Variants in EHMT1 observed in about 807,000 individuals in gnomAD.
EHMT1 encodes the protein histone-lysine N-methyltransferase EHMT1.
In EHMT1, 15 loss-of-function variants were observed where a neutral mutation model predicts 147.2. The observed-to-expected ratio is 0.10, with a 90% CI of 0.07 to 0.16. The LOEUF (loss-of-function observed/expected upper bound fraction) is 0.16. Among genes scored for constraint, EHMT1 ranks in the 10% least tolerant of loss-of-function variants. The pLI is 1.00. For synonymous variants in EHMT1, 795 were observed against 709.6 expected (o/e 1.12, Z -1.91); for missense variants, 1,587 against 1,772.4 (o/e 0.90, Z 1.88).
chr9:137,812,421 G>A (rs1438010514), intron 19 of EHMT1, among the ~76,000 whole-genome samples: 1 of 152,266 alleles, frequency 6.6e-6, no homozygotes, highest in African/African-American at 2.4e-5. Flanking sequence ...GGTGGCCTGG[G>A]ATGGAGTGTG....
intron 1 of EHMT1, among the ~76,000 whole-genome samples, chr9:137,690,876 A>G (rs879129222): frequency 6.6e-6 from 1 of 152,270 alleles, no homozygotes; most frequent in Non-Finnish European, 1.5e-5. Flanking sequence ...GATAAGCACC[A>G]TGAAGTTAAG....
intron 4 of EHMT1, among the ~76,000 whole-genome samples, chr9:137,737,919 T>C (rs9410131): frequency 0.54 from 82,280 of 152,058 alleles, 25,364 homozygotes; most frequent in African/African-American, 0.84. Flanking sequence ...GGAGGCCGGG[T>C]GCAGTGGCTT....
Position 137,740,635 on chromosome 9 carries a change from C to T in EHMT1, c.824-2736C>T, listed in dbSNP as rs541848324. ...ACTTTCAGGTCCTTAATAGATTCTA[C>T]ATTTCTGAAAGTCATCCATAGATGT... On this transcript the variant is annotated intron_variant, in intron 4 of 26. Transcript: ENST00000460843. Among the ~76,000 whole-genome samples the T allele has an allele frequency of 5.5e-4, 84 of 151,844 alleles. 1 individual carries two copies. The highest frequency in any genetic ancestry group is 1.9e-3 in the African/African-American group (80 of 41,114).
In EHMT1 at chr9:137,775,251, C is replaced by T. The variant is rs369565794; in HGVS notation, c.1790C>T (p.Ala597Val). The change falls in exon 11 of 27, where the codon GCG becomes GTG. Residue 597 changes from alanine (A) to valine (V), a missense_variant and splice_region_variant. Physicochemically the swap from Ala to Val is moderately conservative, Grantham distance 64. This residue lies in a region of EHMT1 where 124 missense variants were observed against 197.8 expected (regional missense o/e 0.63). Transcript: ENST00000460843. The surrounding 1 kb of genome is among the most constrained non-coding windows in gnomAD (Gnocchi z 6.1). ...CCTGGCTGTGGCTACTTCTGCACAG[C>T]GGTAAGAGCCCAGTCCGGCAGCCTC... is the stretch of plus-strand genomic sequence containing the variant. Reference protein sequence around the residue: ...CCPGCGYFCTAGNFMECQPES... With the variant: ...CCPGCGYFCTVGNFMECQPES... 2.4e-5 allele frequency: 39 copies of T among 1,610,228 alleles called. No homozygotes were observed. The highest frequency in any genetic ancestry group is 3.1e-5 in the Non-Finnish European group (37 of 1,179,878).
intron 4 of EHMT1, among the ~76,000 whole-genome samples, chr9:137,730,861 A>C (rs1350887600): frequency 6.6e-6 from 1 of 152,200 alleles, no homozygotes; most frequent in Non-Finnish European, 1.5e-5. Flanking sequence ...GGAAGTTAGA[A>C]AACAAAATCA....
intron 1 of EHMT1, chr9:137,667,331 G>A (rs75194340): frequency 2.9e-4 from 44 of 152,330 alleles, no homozygotes; most frequent in African/African-American, 1.1e-3. Flanking sequence ...AACCCTTAGA[G>A]ATTATTTGTT....
chr9:137,711,138 AC>A, intron 2 of EHMT1, 108 bp downstream of exon 2: 1 of 1,199,930 alleles, frequency 8.3e-7, no homozygotes, highest in Non-Finnish European at 1.2e-6. Flanking sequence ...TCTTTGCTTC[AC>A]CTAGGTTTAT....
chr9:137,717,011 A>T lies in EHMT1; in HGVS notation c.471A>T (p.Gly157=), dbSNP rs781479211. 3 of 1,607,096 alleles carry T rather than the reference A, an allele frequency of 1.9e-6. No homozygotes were observed. The South Asian group carries it at 3.3e-5, about 18-fold the overall frequency. Residue 157 remains glycine, a synonymous_variant, in exon 3 of 27, where the codon GGA becomes GGT. Transcript: ENST00000460843. ...LPGHAAKTLP[G]GAGKGRTPSA... is the part of the protein sequence containing the mutation. ...GCCATGCTGCAAAAACCCTTCCTGG[A>T]GGGGCTGGCAAAGGCAGGACTCCAA...
At chr9:137,714,508 A>G (rs1312538544) in intron 2 of EHMT1, among the ~76,000 whole-genome samples, 1 of 146,620 alleles carries the variant, frequency 6.8e-6, no homozygotes, top group African/African-American at 2.5e-5. Flanking sequence ...CCTCCTCACC[A>G]ATTTTGTTTT....
chr9:137,833,250 G>A (rs1187151909), intron 25 of EHMT1, among the ~76,000 whole-genome samples: 1 of 152,336 alleles, frequency 6.6e-6, no homozygotes, highest in South Asian at 2.1e-4. Context: ...CTCGGTCCTG[G>A]AAAGCCCCAG....
intron 18 of EHMT1, chr9:137,802,512 C>T (rs892983567): frequency 1.3e-4 from 50 of 398,542 alleles, no homozygotes; most frequent in African/African-American, 9.5e-4. Context: ...TCTAAAAGCA[C>T]ACTATTAAAT....
intron 1 of EHMT1, among the ~76,000 whole-genome samples, chr9:137,653,337 C>G (rs188043967): frequency 5.8e-4 from 88 of 152,312 alleles, no homozygotes; most frequent in African/African-American, 1.9e-3. Flanking sequence ...GCAATAGGCT[C>G]TACCCCATAG....
chr9:137,661,041 TCGAAAAGAAACAATGCTA>T (rs1261746165), intron 1 of EHMT1, among the ~76,000 whole-genome samples: 1 of 152,246 alleles, frequency 6.6e-6, no homozygotes, highest in Non-Finnish European at 1.5e-5. Context: ...CGATATGATG[TCGAAAAGAAACAATGCTA>T]GTGGATGTTT....
At chr9:137,708,515 C>T (rs540648855) in intron 1 of EHMT1, among the ~76,000 whole-genome samples, 2 of 152,278 alleles carry the variant, frequency 1.3e-5, no homozygotes, top group South Asian at 4.1e-4. Context: ...GGAAGATCTT[C>T]CCCATGTTGA....
At chr9:137,768,251 TTAATG>T (rs1453409522) in intron 10 of EHMT1, among the ~76,000 whole-genome samples, 1 of 152,182 alleles carries the variant, frequency 6.6e-6, no homozygotes, top group African/African-American at 2.4e-5. Context: ...TTATCTCCAT[TTAATG>T]TAAGTATTAA....
intron 1 of EHMT1, among the ~76,000 whole-genome samples, chr9:137,676,742 A>C (rs112712777): frequency 2.6e-5 from 4 of 152,282 alleles, no homozygotes; most frequent in East Asian, 3.9e-4. Context: ...TGGAGCCCAC[A>C]TGCGCACTGG....
chr9:137,816,794 A>G, intron 23 of EHMT1: 1 of 168,776 alleles, frequency 5.9e-6, no homozygotes, highest in Non-Finnish European at 1.3e-5. Flanking sequence ...TTGGTATGGT[A>G]GAAAGGCCTG....
intron 4 of EHMT1, among the ~76,000 whole-genome samples, chr9:137,730,907 C>CT (rs1040653212): frequency 1.8e-4 from 28 of 152,342 alleles, no homozygotes; most frequent in African/African-American, 6.3e-4. Context: ...AACTTACCAA[C>CT]TTTTTTTGCT....
intron 1 of EHMT1, among the ~76,000 whole-genome samples, chr9:137,647,362 C>T (rs1844970275): frequency 6.6e-6 from 1 of 152,176 alleles, no homozygotes; most frequent in Admixed American, 6.5e-5. Flanking sequence ...CTCTCTTGGT[C>T]TGCCTCTCGC....
Sources: gnomAD v4.1 joint callset for allele counts (sites outside exome capture counted in the v4.1 genomes callset) on GRCh38, gnomAD v4.1.1 for gene constraint, gnomAD v4.1.1 regional missense constraint, Gnocchi (gnomAD v3.1) non-coding constraint, MANE v1.5 for transcripts, NCBI Gene and HGNC (gene_info 2026-07-23, HGNC 2026-07-21) for gene names.